The following SNX2 variants were observed in gnomAD, a reference collection of about 807,000 sequenced individuals.
SNX2 encodes sorting nexin-2.
Under a neutral mutation model 69.9 loss-of-function variants are expected in SNX2, and 25 were observed. That is an observed-to-expected ratio of 0.36 (90% CI 0.26 to 0.50). SNX2 has a LOEUF of 0.50. Among genes scored for constraint, SNX2 ranks in the 20% least tolerant of loss-of-function variants. The pLI, the probability that SNX2 is intolerant of heterozygous loss-of-function variation, is 0.97. For synonymous variants in SNX2, 229 were observed against 200.4 expected (o/e 1.14, Z -1.20); for missense variants, 551 against 613.3 (o/e 0.90, Z 1.07).
intron 11 of SNX2, among the ~76,000 whole-genome samples, chr5:122,824,336 G>A (rs1178426373): frequency 6.6e-6 from 1 of 151,994 alleles, no homozygotes; most frequent in East Asian, 1.9e-4. Context: ...GCCCAGGGAA[G>A]CCAAAGCATT....
At chr5:122,804,655 G>T (rs1010657146) in intron 6 of SNX2, among the ~76,000 whole-genome samples, 2 of 152,002 alleles carry the variant, frequency 1.3e-5, no homozygotes, top group African/African-American at 2.4e-5. Context: ...GTGAGCCACT[G>T]TGCCCGGCCA....
intron 5 of SNX2, 105 bp downstream of exon 5, chr5:122,802,229 A>G: frequency 1.0e-6 from 1 of 987,562 alleles, no homozygotes; most frequent in Non-Finnish European, 1.6e-6. Flanking sequence ...TATAAAGGTT[A>G]CCACCTAATA....
chr5:122,776,472 C>G (rs1561435328), intron 1 of SNX2, among the ~76,000 whole-genome samples: 1 of 151,874 alleles, frequency 6.6e-6, no homozygotes, highest in Non-Finnish European at 1.5e-5. Flanking sequence ...TTTTGCCATC[C>G]CTTTTAATAG....
At chr5:122,785,917 C>T (rs1753075800) in intron 1 of SNX2, among the ~76,000 whole-genome samples, 1 of 152,072 alleles carries the variant, frequency 6.6e-6, no homozygotes, top group African/African-American at 2.4e-5. Context: ...TCTGTCTTTC[C>T]CTGTTACCTA....
intron 11 of SNX2, among the ~76,000 whole-genome samples, chr5:122,819,746 G>C (rs1198031521): frequency 6.6e-6 from 1 of 152,076 alleles, no homozygotes; most frequent in Non-Finnish European, 1.5e-5. Flanking sequence ...AGGGGTACTG[G>C]GTATTTACTT....
At chr5:122,775,321 G>A (rs1009109502) in intron 1 of SNX2, 110 bp downstream of exon 1, 2 of 1,426,820 alleles carry the variant, frequency 1.4e-6, no homozygotes, top group South Asian at 2.9e-5. Flanking sequence ...GACCGTCTTG[G>A]GGTGACACCT....
At chr5:122,819,900 TG>T (rs1304015962) in intron 11 of SNX2, among the ~76,000 whole-genome samples, 2 of 152,218 alleles carry the variant, frequency 1.3e-5, no homozygotes, top group Non-Finnish European at 2.9e-5. Flanking sequence ...AAGCAACTGG[TG>T]ACATTTATTA....
At chr5:122,785,178 A>AT (rs990566640) in intron 1 of SNX2, among the ~76,000 whole-genome samples, 7 of 146,616 alleles carry the variant, frequency 4.8e-5, no homozygotes, top group South Asian at 2.1e-4. Flanking sequence ...GCTTTCATTG[A>AT]TTTTTTTCCT....
chr5:122,811,944 C>T (rs1753787630), intron 7 of SNX2, among the ~76,000 whole-genome samples: 1 of 152,142 alleles, frequency 6.6e-6, no homozygotes, highest in Non-Finnish European at 1.5e-5. Flanking sequence ...AATTAATCCA[C>T]TCTTTCAAAT....
chr5:122,796,910 A>G (rs1753393073), intron 2 of SNX2, among the ~76,000 whole-genome samples: 1 of 152,048 alleles, frequency 6.6e-6, no homozygotes, highest in Non-Finnish European at 1.5e-5. Context: ...ATATTTGCCC[A>G]CTTAGCTTGG....
intron 7 of SNX2, among the ~76,000 whole-genome samples, chr5:122,812,310 C>G (rs1448908042): frequency 6.6e-6 from 1 of 152,172 alleles, no homozygotes; most frequent in African/African-American, 2.4e-5. Context: ...GATCTCATAT[C>G]CTCCGTGATC....
chr5:122,811,750 C>T (rs1285729482), intron 7 of SNX2, among the ~76,000 whole-genome samples: 1 of 151,930 alleles, frequency 6.6e-6, no homozygotes, highest in East Asian at 1.9e-4. Flanking sequence ...AGGCTTGAAC[C>T]CAGGAGGCAG....
At chr5:122,798,520 A>G (rs1753436920) in intron 2 of SNX2, among the ~76,000 whole-genome samples, 1 of 152,204 alleles carries the variant, frequency 6.6e-6, no homozygotes, top group Admixed American at 6.5e-5. Flanking sequence ...AGGTATTAAA[A>G]TTAAAATGGT....
intron 5 of SNX2, among the ~76,000 whole-genome samples, chr5:122,802,757 C>T (rs186744750): frequency 4.7e-4 from 71 of 152,284 alleles, no homozygotes; most frequent in Middle Eastern, 6.8e-3. Context: ...GCAGTTCTAG[C>T]TGTAAGCAGT....
At chr5:122,791,554 T>G (rs771829729) in intron 1 of SNX2, among the ~76,000 whole-genome samples, 23 of 152,228 alleles carry the variant, frequency 1.5e-4, no homozygotes, top group Non-Finnish European at 2.4e-4. Context: ...AGTGCTGGGA[T>G]TATAGGCATG....
At chr5:122,824,160 CCA>C (rs1410140178) in intron 11 of SNX2, among the ~76,000 whole-genome samples, 1 of 150,138 alleles carries the variant, frequency 6.7e-6, no homozygotes, top group East Asian at 2.0e-4. Flanking sequence ...TGAGATCGCG[CCA>C]CTGCACTCCA....
intron 1 of SNX2, among the ~76,000 whole-genome samples, chr5:122,782,462 C>T (rs1471881351): frequency 1.3e-5 from 2 of 152,038 alleles, no homozygotes; most frequent in Non-Finnish European, 1.5e-5. Context: ...TGTTCTCGAA[C>T]TCCTAACCTC....
intron 1 of SNX2, among the ~76,000 whole-genome samples, chr5:122,794,852 C>CA (rs1201606975): frequency 6.6e-6 from 1 of 151,566 alleles, no homozygotes; most frequent in Non-Finnish European, 1.5e-5. Flanking sequence ...CCCATCTCTA[C>CA]AAAAAATAAA....
At position 122,801,910 on chromosome 5, in the gene SNX2, T is replaced by C; in HGVS notation, c.432T>C (p.Ile144=). 6.2e-7 allele frequency: 1 copy of C among 1,603,408 alleles called. No homozygotes were observed. The highest frequency in any genetic ancestry group is 8.5e-7 in the Non-Finnish European group (1 of 1,172,328). Reference sequence around the variant, plus strand: ...ATGGAGACATTTTTGACATAGAAATTGGTGTATCAGATCCAGAAAAAGTTG... The same window carrying C: ...ATGGAGACATTTTTGACATAGAAATCGGTGTATCAGATCCAGAAAAAGTTG... ...EANGDIFDIE[I]GVSDPEKVGD... The change falls in exon 4 of 15, where the codon ATT becomes ATC. Residue 144 remains isoleucine (I), a synonymous_variant. Transcript: ENST00000379516.
Sources: allele counts gnomAD v4.1 joint callset (sites outside exome capture counted in the v4.1 genomes callset), GRCh38; gene constraint gnomAD v4.1.1; transcripts MANE v1.5; gene names NCBI Gene and HGNC (gene_info 2026-07-23, HGNC 2026-07-21).